RHCE: variants seen among roughly 807,000 people sequenced by gnomAD.
RHCE encodes Rh blood group CcEe antigens, also known as blood group Rh(CE) polypeptide.
RHCE carries 22 observed loss-of-function variants against 43.8 expected under a neutral mutation model. The ratio of observed to expected loss-of-function variants is 0.50; its 90% CI spans 0.36 to 0.72. The LOEUF (loss-of-function observed/expected upper bound fraction) is 0.72. RHCE is among the 30% of genes least tolerant of loss of function. The probability of loss-of-function intolerance (pLI) is 0.00; values close to 1 mark genes in which losing one functional copy is unlikely to be tolerated. For synonymous variants in RHCE, 156 were observed against 210.7 expected (o/e 0.74, Z 2.25); for missense variants, 385 against 525.4 (o/e 0.73, Z 2.61).
intron 3 of RHCE, among the ~76,000 whole-genome samples, 172 bp from the exon 4 acceptor site, chr1:25,392,313 G>A (rs544328130): frequency 3.6e-4 from 55 of 152,322 alleles, no homozygotes; most frequent in Non-Finnish European, 6.3e-4. Flanking sequence ...CCAGGCTGGA[G>A]TGCAATGGCA....
intron 5 of RHCE, among the ~76,000 whole-genome samples, chr1:25,390,201 T>C (rs577879370): frequency 2.5e-4 from 38 of 152,336 alleles, no homozygotes; most frequent in South Asian, 1.7e-3. Context: ...TCTGTACTAA[T>C]AGCAGCAGCT....
chr1:25,376,038 G>A (rs954343911), intron 7 of RHCE, among the ~76,000 whole-genome samples: 13 of 152,002 alleles, frequency 8.6e-5, no homozygotes, highest in Non-Finnish European at 1.8e-4. Context: ...TGATCTGCCC[G>A]CCTTGGCCTC....
Position 25,385,815 on chromosome 1 carries a change from G to A in RHCE, c.969C>T (p.His323=). 1.9e-6 allele frequency: 3 copies of A among 1,614,020 alleles called. No individual in the cohort carries two copies. Among genetic ancestry groups the A allele is most frequent in the Non-Finnish European group, 2.5e-6 (3 of 1,180,012 alleles). Residue 323 remains histidine, a synonymous_variant, in exon 7 of 10, where the codon CAC becomes CAT. Transcript: ENST00000294413. The part of the protein sequence containing the change: ...PVCCNRVLGI[H]HISVMHSIFS... The stretch of plus-strand genomic sequence containing the variant: ...AGATGGAGTGCATGACGGAGATGTG[G>A]TGAATCCCCAGCACTCGGTTACAAC...
rs1646378217 is a variant in RHCE at position 25,391,879 on chromosome 1, G to A, written c.634+115C>T. ...TCAAAGAAGTGAATCATGATGGAAG[G>A]GCTTCAGACACCCAGGGGAAGTTGG... On this transcript the variant is annotated intron_variant, in intron 4 of 9. Transcript: ENST00000294413. 4.9e-6 allele frequency: 7 copies of A among 1,435,776 alleles called. No homozygotes were observed. In the South Asian group the frequency reaches 8.1e-5, roughly 17 times the overall value. 88.9% of individuals were successfully genotyped at this position (1,435,776 alleles called of 1,614,324 possible).
rs559589667 is a variant in RHCE at position 25,385,542 on chromosome 1, A to C, written c.1073+169T>G. On this transcript the variant is annotated intron_variant, in intron 7 of 9. Transcript: ENST00000294413. Reference sequence around the variant, plus strand: ...GCCTGGAGAGGTGATAAATCCATCCAAGGTAGGGGCTGGACATAATTTCTG... The same window carrying C: ...GCCTGGAGAGGTGATAAATCCATCCCAGGTAGGGGCTGGACATAATTTCTG... 3.3e-3 allele frequency: 3,424 copies of C among 1,045,462 alleles called. 20 individuals are homozygous for C. The highest frequency in any genetic ancestry group is 3.2e-3 in the Non-Finnish European group (2,208 of 683,164). The allele number at this position is 1,045,462 out of a possible 1,614,324, so 64.8% of individuals were successfully genotyped here.
rs926360108 is a variant in RHCE at position 25,390,855 on chromosome 1, A to G, written c.695T>C (p.Ile232Thr). Residue 232 changes from isoleucine to threonine, a missense_variant, in exon 5 of 10, where the codon ATC becomes ACC. Physicochemically the swap from Ile to Thr is moderately conservative, Grantham distance 89 (BLOSUM62 -1). Around this residue, in one of 6 missense-constraint regions of RHCE, gnomAD observed 110 missense variants for 103.4 expected, o/e 1.06. Transcript: ENST00000294413. Reference sequence around the variant, plus strand: ...GTTGAACATGGCATTCTTCCTTTGGATTGGACTTCTCAGCAGAGCAGAGTT... The same window carrying G: ...GTTGAACATGGCATTCTTCCTTTGGGTTGGACTTCTCAGCAGAGCAGAGTT... ...SVNSALLRSP[I>T]QRKNAMFNTY... 2.5e-6 allele frequency: 4 copies of G among 1,614,098 alleles called. No homozygotes were observed. The highest frequency in any genetic ancestry group is 3.3e-5 in the Admixed American group (2 of 60,012).
intron 3 of RHCE, among the ~76,000 whole-genome samples, chr1:25,397,739 G>A (rs1405286627): frequency 2.0e-5 from 3 of 150,088 alleles, no homozygotes; most frequent in Admixed American, 1.3e-4. Context: ...CTCCTTGACC[G>A]CTCGTCTCTT....
At chr1:25,427,074 G>A (rs1811832) in intron 2 of RHCE, among the ~76,000 whole-genome samples, 67,406 of 151,468 alleles carry the variant, frequency 0.45, 15,996 homozygotes, top group Non-Finnish European at 0.54. Flanking sequence ...AAAAAAATAG[G>A]TTTCTCTAGG....
In RHCE at chr1:25,408,075, G is replaced by A. The variant is rs1270404679; in HGVS notation, c.335+608C>T. On this transcript the variant is annotated intron_variant, in intron 2 of 9. Transcript: ENST00000294413. The stretch of plus-strand genomic sequence containing the variant: ...GGCCGAGGCAGGCCGGTCACCTGAG[G>A]TCAGGAGTTTGAGACTAGCCTGACC... Among the ~76,000 whole-genome samples the A allele has an allele frequency of 1.6e-5, 2 of 122,834 alleles. 1 individual carries two copies. The highest frequency in any genetic ancestry group is 5.0e-5 in the African/African-American group (2 of 39,642). The allele number at this position is 122,834 out of a possible 152,430, so 80.6% of individuals were successfully genotyped here. A position where few individuals can be genotyped will look rare whatever the true frequency, so the allele number is the denominator to read the frequency against.
chr1:25,379,478 T>C (rs1332081941), intron 7 of RHCE, among the ~76,000 whole-genome samples: 1 of 9,282 alleles, frequency 1.1e-4, no homozygotes, highest in Admixed American at 1.8e-3. Context: ...TATATATATA[T>C]ATATATATAT....
In RHCE at chr1:25,386,549, G is replaced by A. The variant is rs182987882; in HGVS notation, c.940-705C>T. On this transcript the variant is annotated intron_variant, in intron 6 of 9. Transcript: ENST00000294413. The stretch of plus-strand genomic sequence containing the variant: ...CAGAATAAAAATCCAGGTCGGGCAC[G>A]GTGGCTCATGCCTGTAATCCCAGCA... Among the ~76,000 whole-genome samples, 39 of 152,304 alleles carry A rather than the reference G, an allele frequency of 2.6e-4. No individual in the cohort carries two copies. The East Asian group carries it at 6.0e-3, about 23-fold the overall frequency.
At chr1:25,424,088 T>A (rs941594293), upstream of RHCE, among the ~76,000 whole-genome samples, 1 of 152,178 alleles carries the variant, frequency 6.6e-6, no homozygotes, top group Non-Finnish European at 1.5e-5. Context: ...GTACATTACA[T>A]GAGATATTCA....
At chr1:25,426,297 C>A (rs989579610) in intron 2 of RHCE, among the ~76,000 whole-genome samples, 1 of 152,192 alleles carries the variant, frequency 6.6e-6, no homozygotes, top group South Asian at 2.1e-4. Context: ...CTATTCCTGT[C>A]GATTTAGGCC....
At chr1:25,391,969 A>C (rs1480784222) in intron 4 of RHCE, 25 bp downstream of exon 4, 1 of 1,612,934 alleles carries the variant, frequency 6.2e-7, no homozygotes, top group East Asian at 2.2e-5. Flanking sequence ...CAAGTATGAG[A>C]CCACTCACCC....
chr1:25,402,226 A>ATCTATCTATCTG (rs1646775514), intron 3 of RHCE, among the ~76,000 whole-genome samples: 1 of 151,226 alleles, frequency 6.6e-6, no homozygotes, highest in Non-Finnish European at 1.5e-5. Context: ...CTATCTATCT[A>ATCTATCTATCTG]TCTATCTATC....
At position 25,386,856 on chromosome 1, in the gene RHCE, C is replaced by G. The variant is rs545286824; in HGVS notation, c.940-1012G>C. On this transcript the variant is annotated intron_variant, in intron 6 of 9. Coordinates refer to ENST00000294413, the MANE Select transcript of RHCE (RefSeq NM_020485.8). ...AACAACAACAAAACACACACACACA[C>G]ACACACACACACACACACACACAAA... Among the ~76,000 whole-genome samples the G allele has an allele frequency of 2.2e-3, 340 of 151,164 alleles. 5 individuals are homozygous for G. The highest frequency in any genetic ancestry group is 1.0e-3 in the Non-Finnish European group (71 of 67,794).
At chr1:25,402,198 GTCTGTCTGTCTA>G (rs1296879841) in intron 3 of RHCE, among the ~76,000 whole-genome samples, 76 of 135,992 alleles carry the variant, frequency 5.6e-4, no homozygotes, top group African/African-American at 1.8e-3. Context: ...CTGTCTGTCT[GTCTGTCTGTCTA>G]TCTATCTATC....
rs1333082091 is a variant in RHCE at position 25,402,774 on chromosome 1, A to G, written c.336-28T>C. 3 of 1,613,816 alleles carry G rather than the reference A, an allele frequency of 1.9e-6. No homozygotes were observed. In the South Asian group the frequency reaches 3.3e-5, roughly 18 times the overall value. On this transcript the variant is annotated intron_variant, in intron 2 of 9. Transcript: ENST00000294413. ...GGGGGTGAGAAGGAGAGCCAGGATGACTGAGAAGGAAGGATGCCTCTCACT... is the reference window on the plus strand; with the variant it reads ...GGGGGTGAGAAGGAGAGCCAGGATGGCTGAGAAGGAAGGATGCCTCTCACT...
At chr1:25,429,659 C>T (rs532109473) in intron 1 of RHCE, among the ~76,000 whole-genome samples, 1 of 152,118 alleles carries the variant, frequency 6.6e-6, no homozygotes, top group Non-Finnish European at 1.5e-5. Context: ...GACCACTATT[C>T]TATTTAATAG....
Sources: allele counts gnomAD v4.1 joint callset (sites outside exome capture counted in the v4.1 genomes callset), GRCh38; gene constraint gnomAD v4.1.1; regional missense constraint gnomAD v4.1.1; transcripts MANE v1.5; gene names NCBI Gene and HGNC (gene_info 2026-07-23, HGNC 2026-07-21).